The following MSI2 variants were observed in gnomAD, a reference collection of about 807,000 sequenced individuals.
MSI2 encodes musashi RNA binding protein 2.
A neutral mutation model predicts 45.6 loss-of-function variants in MSI2; 17 were observed. The observed-to-expected ratio is 0.37, with a 90% CI of 0.26 to 0.56. The LOEUF (loss-of-function observed/expected upper bound fraction) is 0.56. Ranked by LOEUF, MSI2 falls within the 20% of genes least tolerant of loss-of-function variation. The pLI is 0.77. For missense variants in MSI2, 293 were observed against 444.2 expected (o/e 0.66, Z 3.06); for synonymous variants, 156 against 158.2 (o/e 0.99, Z 0.11).
intron 6 of MSI2, among the ~76,000 whole-genome samples, chr17:57,405,630 C>T (rs1400994480): frequency 6.6e-6 from 1 of 152,132 alleles, no homozygotes; most frequent in African/African-American, 2.4e-5. Flanking sequence ...TGAAGGGATT[C>T]TTTATTTGGA....
intron 9 of MSI2, chr17:57,618,105 T>G (rs145828537): frequency 1.2e-3 from 180 of 151,170 alleles, no homozygotes; most frequent in African/African-American, 4.2e-3. Context: ...ATAATAAACA[T>G]TAGCGGGGTG....
intron 5 of MSI2, among the ~76,000 whole-genome samples, chr17:57,308,098 C>T (rs1264042640): frequency 1.3e-5 from 2 of 152,090 alleles, no homozygotes; most frequent in Non-Finnish European, 2.9e-5. Context: ...GAGTCCTGGC[C>T]CCACCATTGA....
chr17:57,388,628 TC>T (rs1944467716), intron 5 of MSI2, among the ~76,000 whole-genome samples: 1 of 152,158 alleles, frequency 6.6e-6, no homozygotes, highest in South Asian at 2.1e-4. Context: ...TCACCCAGCC[TC>T]CCCACCCAAT....
At chr17:57,572,801 T>A (rs542983579) in intron 7 of MSI2, among the ~76,000 whole-genome samples, 3 of 152,348 alleles carry the variant, frequency 2.0e-5, no homozygotes, top group Admixed American at 2.0e-4. Flanking sequence ...GGGTAGCACC[T>A]GCTTCCCCGC....
At chr17:57,645,834 G>A (rs1172903240) in intron 10 of MSI2, among the ~76,000 whole-genome samples, 1 of 152,184 alleles carries the variant, frequency 6.6e-6, no homozygotes, top group Non-Finnish European at 1.5e-5. Flanking sequence ...CTTTCCAGGT[G>A]GGTCCAGTGA....
intron 6 of MSI2, among the ~76,000 whole-genome samples, chr17:57,497,899 T>C (rs566794746): frequency 1.3e-5 from 2 of 152,334 alleles, no homozygotes; most frequent in Admixed American, 6.5e-5. Flanking sequence ...ATATTCTTCA[T>C]ACCAAGAGAG....
intron 6 of MSI2, among the ~76,000 whole-genome samples, chr17:57,408,738 G>A (rs1436971749): frequency 6.6e-6 from 1 of 152,200 alleles, no homozygotes; most frequent in African/African-American, 2.4e-5. Flanking sequence ...AGTGGGAACT[G>A]AAAGTGTACC....
intron 6 of MSI2, among the ~76,000 whole-genome samples, chr17:57,424,757 G>A (rs888993482): frequency 6.6e-6 from 1 of 152,052 alleles, no homozygotes; most frequent in African/African-American, 2.4e-5. Flanking sequence ...CCTTCTCGGG[G>A]TGCCTGTGGC....
intron 6 of MSI2, among the ~76,000 whole-genome samples, chr17:57,419,067 G>C (rs1240524909): frequency 6.6e-6 from 1 of 152,134 alleles, no homozygotes; most frequent in Non-Finnish European, 1.5e-5. Context: ...ACACAAATTA[G>C]TCCAAGGCAG....
chr17:57,583,970 C>T (rs1272807540), intron 7 of MSI2, among the ~76,000 whole-genome samples: 1 of 152,320 alleles, frequency 6.6e-6, no homozygotes, highest in South Asian at 2.1e-4. Context: ...TTTTAATTTG[C>T]ATAAAATCAC....
At chr17:57,345,773 C>T (rs1240734622) in intron 5 of MSI2, among the ~76,000 whole-genome samples, 2 of 148,944 alleles carry the variant, frequency 1.3e-5, no homozygotes, top group East Asian at 3.9e-4. Context: ...GAGCCTAGAT[C>T]ACACCACCGC....
intron 6 of MSI2, among the ~76,000 whole-genome samples, chr17:57,466,735 T>C (rs979191282): frequency 2.0e-5 from 3 of 152,246 alleles, no homozygotes; most frequent in African/African-American, 7.2e-5. Context: ...GGTCTTGAAC[T>C]TATAAGTGTC....
the MSI2 span, among the ~76,000 whole-genome samples, chr17:57,691,078 T>C: frequency 1.3e-5 from 2 of 152,198 alleles, no homozygotes; most frequent in Non-Finnish European, 2.9e-5. Context: ...CTCTATTAAA[T>C]TGAGTTTTGT....
chr17:57,375,953 G>A (rs927632864), intron 5 of MSI2, among the ~76,000 whole-genome samples: 8 of 152,138 alleles, frequency 5.3e-5, no homozygotes, highest in Non-Finnish European at 7.4e-5. Context: ...AGCCTGTCCC[G>A]CCTTTGAACT....
At chr17:57,511,515 T>C (rs2086354998) in intron 6 of MSI2, among the ~76,000 whole-genome samples, 1 of 152,218 alleles carries the variant, frequency 6.6e-6, no homozygotes, top group Non-Finnish European at 1.5e-5. Context: ...CAAGTCCTGC[T>C]GGCTCAGAAC....
At chr17:57,525,175 A>T (rs1050758117) in intron 6 of MSI2, among the ~76,000 whole-genome samples, 1 of 152,220 alleles carries the variant, frequency 6.6e-6, no homozygotes, top group Admixed American at 6.5e-5. Context: ...ACCGTGCAGT[A>T]GTCAGAAATA....
rs370235015 is a variant in MSI2, at chr17:57,545,189, G to A, written c.454+15465G>A. On this transcript the variant is annotated intron_variant, in intron 7 of 13. Transcript: ENST00000284073. ...GGCCCCCCCGTTTTTTAAGTAGAGC[G>A]TTAATGCAACCTCATAAGTGCCTCC... 4.6e-5 allele frequency among the ~76,000 whole-genome samples: 7 copies of A among 152,050 alleles called. No individual in the cohort carries two copies. The East Asian group carries it at 5.8e-4, about 13-fold the overall frequency.
chr17:57,540,453 C>G (rs2087019314), intron 7 of MSI2, among the ~76,000 whole-genome samples: 1 of 152,062 alleles, frequency 6.6e-6, no homozygotes, highest in African/African-American at 2.4e-5. Context: ...AAGTCCTGAC[C>G]CCTAAAAGAT....
chr17:57,560,264 C>A (rs1178158918), intron 7 of MSI2, among the ~76,000 whole-genome samples: 1 of 152,134 alleles, frequency 6.6e-6, no homozygotes, highest in African/African-American at 2.4e-5. Context: ...AAGTTTTGTT[C>A]TTTTAAAATA....
Sources: gnomAD v4.1 joint callset for allele counts (sites outside exome capture counted in the v4.1 genomes callset) on GRCh38, gnomAD v4.1.1 for gene constraint, MANE v1.5 for transcripts, NCBI Gene and HGNC (gene_info 2026-07-23, HGNC 2026-07-21) for gene names.